Variants in ABLIM2 observed in about 807,000 individuals in gnomAD.
The protein encoded by ABLIM2 is actin binding LIM protein family member 2, also known as actin-binding LIM protein 2.
In ABLIM2, 53 loss-of-function variants were observed where a neutral mutation model predicts 97.7. The ratio of observed to expected loss-of-function variants is 0.54; its 90% CI spans 0.44 to 0.68. ABLIM2 has a LOEUF of 0.68. Among genes scored for constraint, ABLIM2 ranks in the 30% least tolerant of loss-of-function variants. ABLIM2 has a pLI of 0.00. For missense variants in ABLIM2, 835 were observed against 867.2 expected, an observed-to-expected ratio of 0.96 and a Z score of 0.47; for synonymous variants, 361 against 345.8, an observed-to-expected ratio of 1.04 and a Z score of -0.49.
chr4:8,014,863 T>A (rs1767696163), intron 14 of ABLIM2, among the ~76,000 whole-genome samples: 1 of 151,440 alleles, frequency 6.6e-6, no homozygotes, highest in South Asian at 2.1e-4. Context: ...CGCCTTTGCC[T>A]CCCTCCCTCT....
At chr4:8,031,244 A>C (rs999157307) in intron 10 of ABLIM2, among the ~76,000 whole-genome samples, 7 of 152,184 alleles carry the variant, frequency 4.6e-5, no homozygotes, top group African/African-American at 1.4e-4. Flanking sequence ...GCAAGTGTGC[A>C]TGATTTTGTG....
chr4:8,066,818 T>C (rs1808189045), intron 6 of ABLIM2: 1 of 152,092 alleles, frequency 6.6e-6, no homozygotes. Flanking sequence ...GTTTTGGAAC[T>C]AGAGAGAACT....
In ABLIM2 at chr4:8,130,449, G is replaced by A. The variant is rs1453735401; in HGVS notation, c.11-23812C>T. The stretch of plus-strand genomic sequence containing the variant: ...ACCAACAACTGCAGGGGCTATGGCA[G>A]GGAGAGTGGACGCCGGCGCCGGGCA... On this transcript the variant is annotated intron_variant, in intron 1 of 20. Transcript: ENST00000447017. This position sits in a 1 kb window ranked among gnomAD's most constrained non-coding sequence, Gnocchi z 4.2. 6.6e-6 allele frequency among the ~76,000 whole-genome samples: 1 copy of A among 152,260 alleles called. No individual in the cohort carries two copies. Among genetic ancestry groups the A allele is most frequent in the Non-Finnish European group, 1.5e-5 (1 of 68,044 alleles).
rs1474238995 is a variant in ABLIM2 at position 8,148,398 on chromosome 4, G to A, written c.10+10282C>T. Among the ~76,000 whole-genome samples, 1 of 152,200 alleles carries A rather than the reference G, an allele frequency of 6.6e-6. No individual in the cohort carries two copies. Among genetic ancestry groups the A allele is most frequent in the Non-Finnish European group, 1.5e-5 (1 of 68,018 alleles). On this transcript the variant is annotated intron_variant, in intron 1 of 20. Transcript: ENST00000447017. The surrounding 1 kb of genome is among the most constrained non-coding windows in gnomAD (Gnocchi z 6.7). ...CAGTGAAGCAGGGCCCACAGGAGGT[G>A]AGGGAGCCGCTCAGGACGCGGGGGG...
rs1760278817 is a variant in ABLIM2 at position 8,005,165 on chromosome 4, G to A, written c.1618+2894C>T. On this transcript the variant is annotated intron_variant, in intron 16 of 20. Transcript: ENST00000447017. This position sits in a 1 kb window ranked among gnomAD's most constrained non-coding sequence, Gnocchi z 4.9. ...CCTTGCGAAGCCAAAGAGGTGCCCG[G>A]CGGGCAGGCGGCGGCGGGATGCGTG... 2.7e-6 allele frequency: 1 copy of A among 372,760 alleles called. No individual in the cohort carries two copies. Among genetic ancestry groups the A allele is most frequent in the Non-Finnish European group, 5.5e-6 (1 of 183,480 alleles). 23.1% of individuals were successfully genotyped at this position (372,760 alleles called of 1,614,324 possible).
At position 8,072,146 on chromosome 4, in the gene ABLIM2, C is replaced by T; in HGVS notation, c.675+5482G>A. ...AATCTTCCCCAGGAGGCCCTTTCTC[C>T]TCCACAGCAGAGGAGGAGGAAAAAA... is the stretch of plus-strand genomic sequence containing the variant. On this transcript the variant is annotated intron_variant, in intron 6 of 20. Transcript: ENST00000447017. The surrounding 1 kb of genome is among the most constrained non-coding windows in gnomAD (Gnocchi z 5.8). The T allele has an allele frequency of 1.2e-6, 1 of 835,474 alleles. No individual in the cohort carries two copies. Among genetic ancestry groups the T allele is most frequent in the Non-Finnish European group, 1.4e-6 (1 of 693,028 alleles). The allele number at this position is 835,474 out of a possible 1,614,324, so 51.8% of individuals were successfully genotyped here. A position where few individuals can be genotyped will look rare whatever the true frequency, so the allele number is the denominator to read the frequency against.
intron 17 of ABLIM2, among the ~76,000 whole-genome samples, chr4:7,987,054 C>G (rs1448458855): frequency 6.6e-6 from 1 of 152,158 alleles, no homozygotes; most frequent in African/African-American, 2.4e-5. Flanking sequence ...ACGATCTCAG[C>G]TCATTGCAAC....
In ABLIM2 at chr4:7,986,733, C is replaced by T. The variant is rs1035146551; in HGVS notation, c.1681-1840G>A. Among the ~76,000 whole-genome samples the T allele has an allele frequency of 6.6e-6, 1 of 152,196 alleles. No homozygotes were observed. Among genetic ancestry groups the T allele is most frequent in the Non-Finnish European group, 1.5e-5 (1 of 68,016 alleles). ...TGTCAGCCAAGCTGGAGTGCAATGG[C>T]GTGATCTCGGCTCAATGCAAACTCC... On this transcript the variant is annotated intron_variant, in intron 17 of 20. Transcript: ENST00000447017. This position sits in a 1 kb window ranked among gnomAD's most constrained non-coding sequence, Gnocchi z 4.3.
rs930788037 is a variant in ABLIM2, at chr4:8,087,826, G to A, written c.454+343C>T. Among the ~76,000 whole-genome samples, 1 of 152,038 alleles carries A rather than the reference G, an allele frequency of 6.6e-6. No homozygotes were observed. The highest frequency in any genetic ancestry group is 2.4e-5 in the African/African-American group (1 of 41,350). ...ACATGGGGTGGAGGAAACAGCCAGTGCAAAGACTTGGCGGCACGAGAGCCC... is the reference window on the plus strand; with the variant it reads ...ACATGGGGTGGAGGAAACAGCCAGTACAAAGACTTGGCGGCACGAGAGCCC... On this transcript the variant is annotated intron_variant, in intron 4 of 20. Coordinates refer to ENST00000447017, the MANE Select transcript of ABLIM2 (RefSeq NM_001130083.2). The surrounding 1 kb of genome is among the most constrained non-coding windows in gnomAD (Gnocchi z 4.6).
chr4:8,082,098 G>A lies in ABLIM2; in HGVS notation c.455-1296C>T, dbSNP rs1013602651. On this transcript the variant is annotated intron_variant, in intron 4 of 20. Transcript: ENST00000447017. The surrounding 1 kb of genome is among the most constrained non-coding windows in gnomAD (Gnocchi z 5.6). The stretch of plus-strand genomic sequence containing the variant: ...TGACAAGGGAAGGGCCTCGGACCCC[G>A]TAATGGACAGGGAGGAAGAGGGTGT... 8.5e-5 allele frequency among the ~76,000 whole-genome samples: 13 copies of A among 152,122 alleles called. No individual in the cohort carries two copies. Among genetic ancestry groups the A allele is most frequent in the African/African-American group, 2.2e-4 (9 of 41,416 alleles).
At chr4:8,118,486 C>G (rs997583584) in intron 1 of ABLIM2, among the ~76,000 whole-genome samples, 7 of 152,226 alleles carry the variant, frequency 4.6e-5, no homozygotes, top group Non-Finnish European at 1.0e-4. Flanking sequence ...CCAAGACAAG[C>G]TCTCCAAGTT....
At position 8,002,833 on chromosome 4, in the gene ABLIM2, C is replaced by T. The variant is rs1286632974; in HGVS notation, c.1618+5226G>A. ...TCCGCCCTGGGTGATGCGGAATGCTCTCCCCCATATACCGGCCCTATTCAA... is the reference window on the plus strand; with the variant it reads ...TCCGCCCTGGGTGATGCGGAATGCTTTCCCCCATATACCGGCCCTATTCAA... On this transcript the variant is annotated intron_variant, in intron 16 of 20. Coordinates refer to ENST00000447017, the MANE Select transcript of ABLIM2 (RefSeq NM_001130083.2). This position sits in a 1 kb window ranked among gnomAD's most constrained non-coding sequence, Gnocchi z 6.1. Among the ~76,000 whole-genome samples, 4 of 152,234 alleles carry T rather than the reference C, an allele frequency of 2.6e-5. No individual in the cohort carries two copies. The highest frequency in any genetic ancestry group is 9.6e-5 in the African/African-American group (4 of 41,460).
At chr4:7,982,496 T>C (rs1002929980) in intron 20 of ABLIM2, among the ~76,000 whole-genome samples, 1 of 152,372 alleles carries the variant, frequency 6.6e-6, no homozygotes, top group Admixed American at 6.5e-5. Context: ...TGGCACGTAG[T>C]AGTTACTCAA....
intron 3 of ABLIM2, among the ~76,000 whole-genome samples, chr4:8,091,442 TGTATTA>T (rs1398826937): frequency 2.6e-4 from 5 of 19,072 alleles, no homozygotes; most frequent in Non-Finnish European, 6.8e-4. Context: ...TAATTAATTA[TGTATTA>T]TATATAATTA....
At chr4:8,133,904 C>T (rs1326073482) in intron 1 of ABLIM2, among the ~76,000 whole-genome samples, 1 of 152,156 alleles carries the variant, frequency 6.6e-6, no homozygotes, top group Non-Finnish European at 1.5e-5. Context: ...TGCATTCGTC[C>T]ATGGGGGGAG....
intron 1 of ABLIM2, among the ~76,000 whole-genome samples, chr4:8,143,678 G>A (rs1167558530): frequency 6.6e-6 from 1 of 152,178 alleles, no homozygotes; most frequent in Non-Finnish European, 1.5e-5. Context: ...CTTTCTCATG[G>A]AGTGTCATCG....
chr4:8,126,935 CGT>C (rs1848234632), intron 1 of ABLIM2, among the ~76,000 whole-genome samples: 1 of 151,964 alleles, frequency 6.6e-6, no homozygotes, highest in Non-Finnish European at 1.5e-5. Flanking sequence ...GGTCTGGTGG[CGT>C]GCACCTTAGT....
intron 1 of ABLIM2, among the ~76,000 whole-genome samples, chr4:8,152,917 G>A (rs1441881954): frequency 2.6e-5 from 4 of 152,170 alleles, no homozygotes; most frequent in Admixed American, 1.3e-4. Flanking sequence ...GGCAGGGCTG[G>A]GTGTGAGCCT....
chr4:8,074,896 C>G (rs1385988345), intron 6 of ABLIM2, among the ~76,000 whole-genome samples: 1 of 151,416 alleles, frequency 6.6e-6, no homozygotes. Flanking sequence ...AGCAATTCTC[C>G]TGCCTCAGCC....
Sources: allele counts gnomAD v4.1 joint callset (sites outside exome capture counted in the v4.1 genomes callset), GRCh38; gene constraint gnomAD v4.1.1; non-coding constraint Gnocchi (gnomAD v3.1); transcripts MANE v1.5; gene names NCBI Gene and HGNC (gene_info 2026-07-23, HGNC 2026-07-21).